The following PCDH15 variants were observed in gnomAD, a reference collection of about 807,000 sequenced individuals.
PCDH15 encodes protocadherin-15.
PCDH15 carries 129 observed loss-of-function variants against 178.5 expected under a neutral mutation model. That is an observed-to-expected ratio of 0.72 (90% CI 0.63 to 0.84). PCDH15 has a LOEUF of 0.84. Ranked by LOEUF, PCDH15 falls within the 40% of genes least tolerant of loss-of-function variation. PCDH15 has a pLI of 0.00. For missense variants in PCDH15, 2,230 were observed against 2,099.9 expected, an observed-to-expected ratio of 1.06 and a Z score of -1.21; for synonymous variants, 800 against 732.0, an observed-to-expected ratio of 1.09 and a Z score of -1.50.
intron 3 of PCDH15, among the ~76,000 whole-genome samples, chr10:54,876,008 A>G (rs1473698759): frequency 6.6e-6 from 1 of 152,134 alleles, no homozygotes. Flanking sequence ...TCAATGCTTG[A>G]CTTCAAACCT....
chr10:54,560,836 G>A (rs907253175), intron 2 of PCDH15, among the ~76,000 whole-genome samples: 2 of 151,980 alleles, frequency 1.3e-5, no homozygotes, highest in Non-Finnish European at 2.9e-5. Flanking sequence ...ACAAGAAAGG[G>A]ATGTTAAGTT....
At chr10:53,958,978 CAAAAAAAA>C (rs71004497) in intron 23 of PCDH15, among the ~76,000 whole-genome samples, 1 of 45,828 alleles carries the variant, frequency 2.2e-5, no homozygotes, top group African/African-American at 9.5e-5. Context: ...GACTCCATCT[CAAAAAAAA>C]AAAAAAAAAA....
intron 25 of PCDH15, among the ~76,000 whole-genome samples, chr10:53,909,081 C>T (rs35391202): frequency 0.32 from 47,992 of 152,020 alleles, 9,621 homozygotes; most frequent in Middle Eastern, 0.56. Context: ...CCTCACGTAT[C>T]GACGGAAGAA....
Position 55,199,782 on chromosome 10 carries a change from G to A in PCDH15, c.-155-33131C>T, listed in dbSNP as rs376511531. Among the ~76,000 whole-genome samples the A allele has an allele frequency of 5.2e-4, 79 of 152,196 alleles. 1 individual carries two copies. The highest frequency in any genetic ancestry group is 1.7e-3 in the African/African-American group (70 of 41,492). On this transcript the variant is annotated intron_variant, in intron 1 of 5. Transcript: ENST00000458638. Reference sequence around the variant, plus strand: ...CATCCCAGCTGCTCTAGCTCCAGCCGTGGCTGAAAGGTCCCAAGGTACAGC... The same window carrying A: ...CATCCCAGCTGCTCTAGCTCCAGCCATGGCTGAAAGGTCCCAAGGTACAGC...
chr10:53,906,513 A>T (rs1250155569), intron 25 of PCDH15, among the ~76,000 whole-genome samples: 1 of 152,186 alleles, frequency 6.6e-6, no homozygotes, highest in Non-Finnish European at 1.5e-5. Flanking sequence ...TTATTGTAAC[A>T]AAATTTCTTA....
At chr10:54,187,692 A>G (rs917137640) in intron 11 of PCDH15, among the ~76,000 whole-genome samples, 7 of 151,894 alleles carry the variant, frequency 4.6e-5, no homozygotes, top group Non-Finnish European at 8.9e-5. Context: ...CTATCACAGA[A>G]AGCTAGCACT....
At chr10:53,904,054 G>A (rs1271605300) in intron 25 of PCDH15, among the ~76,000 whole-genome samples, 2 of 152,088 alleles carry the variant, frequency 1.3e-5, no homozygotes, top group African/African-American at 4.8e-5. Flanking sequence ...ATCATCAAAT[G>A]TTAGAACCTC....
chr10:55,271,617 A>C (rs1161950334), intron 1 of PCDH15, among the ~76,000 whole-genome samples: 1 of 152,054 alleles, frequency 6.6e-6, no homozygotes, highest in Non-Finnish European at 1.5e-5. Flanking sequence ...CTGGGAAGGA[A>C]ATAGATTATT....
chr10:55,404,526 C>A (rs374108214), intron 2 of PCDH15, among the ~76,000 whole-genome samples: 18 of 151,800 alleles, frequency 1.2e-4, no homozygotes, highest in East Asian at 9.7e-4. Flanking sequence ...AGTGATCAGA[C>A]TATAAGTGGG....
intron 3 of PCDH15, among the ~76,000 whole-genome samples, chr10:54,889,958 C>A (rs1954430482): frequency 6.6e-6 from 1 of 151,852 alleles, no homozygotes; most frequent in African/African-American, 2.4e-5. Flanking sequence ...GAAAAAGTCA[C>A]ATAATTGTAC....
intron 2 of PCDH15, among the ~76,000 whole-genome samples, chr10:55,453,339 C>A (rs544556472): frequency 1.1e-4 from 16 of 152,286 alleles, no homozygotes; most frequent in African/African-American, 3.8e-4. Context: ...TTTCTTACTG[C>A]AGCGGATCTG....
intron 8 of PCDH15, among the ~76,000 whole-genome samples, chr10:54,287,016 A>T (rs2059071274): frequency 6.6e-6 from 1 of 152,238 alleles, no homozygotes; most frequent in Non-Finnish European, 1.5e-5. Context: ...AGGTAAGAAG[A>T]TGAAAAACAA....
intron 2 of PCDH15, among the ~76,000 whole-genome samples, chr10:54,908,760 T>A (rs1480847825): frequency 1.3e-5 from 2 of 152,076 alleles, no homozygotes; most frequent in Admixed American, 1.3e-4. Flanking sequence ...AGAGGGTAGC[T>A]CTTCTCCATT....
At chr10:55,331,885 A>C (rs1844209121) in intron 2 of PCDH15, among the ~76,000 whole-genome samples, 1 of 152,168 alleles carries the variant, frequency 6.6e-6, no homozygotes, top group African/African-American at 2.4e-5. Context: ...TATTAACTGA[A>C]TATGACAGCG....
chr10:54,098,776 C>T lies in PCDH15; in HGVS notation c.1918-8713G>A, dbSNP rs562374376. Among the ~76,000 whole-genome samples, 6 of 152,214 alleles carry T rather than the reference C, an allele frequency of 3.9e-5. 1 individual carries two copies. Among genetic ancestry groups the T allele is most frequent in the South Asian group, 4.1e-4 (2 of 4,828 alleles). On this transcript the variant is annotated intron_variant, in intron 15 of 37. Coordinates refer to ENST00000644397, the MANE Select transcript of PCDH15 (RefSeq NM_001384140.1). The stretch of plus-strand genomic sequence containing the variant: ...TACTACTTATTCGTGGCTATTGATA[C>T]TTAGAATCTAATTATTGTGGAAAGA...
At position 54,817,337 on chromosome 10, in the gene PCDH15, TGAG is replaced by T. The variant is rs1952963130; in HGVS notation, c.-29+80110_-29+80112del. On this transcript the variant is annotated intron_variant, in intron 3 of 5. Transcript: ENST00000458638. ...AAATAAATATATGTTATTTTAGAAA[TGAG>T]GAAATTAAGGTTGAATTATTCTAAG... 7.9e-5 allele frequency among the ~76,000 whole-genome samples: 12 copies of T among 152,052 alleles called. No homozygotes were observed. The South Asian group carries it at 2.5e-3, about 31-fold the overall frequency.
At chr10:54,756,720 A>AAGAG (rs61202887) in intron 1 of PCDH15, among the ~76,000 whole-genome samples, 22,394 of 150,736 alleles carry the variant, frequency 0.15, 1,900 homozygotes, top group East Asian at 0.22. Flanking sequence ...ATGTATGTGA[A>AAGAG]AGAGAGAGAG....
intron 21 of PCDH15, among the ~76,000 whole-genome samples, chr10:53,970,367 T>C (rs2089544855): frequency 6.6e-6 from 1 of 152,106 alleles, no homozygotes; most frequent in African/African-American, 2.4e-5. Context: ...AAGCAAGTCC[T>C]TGGAGACCTA....
chr10:54,334,151 G>A (rs1940507931), intron 6 of PCDH15, among the ~76,000 whole-genome samples: 1 of 152,066 alleles, frequency 6.6e-6, no homozygotes. Context: ...CAAACACCTG[G>A]CCTCCATTAA....
Sources: gnomAD v4.1 joint callset for allele counts (sites outside exome capture counted in the v4.1 genomes callset) on GRCh38, gnomAD v4.1.1 for gene constraint, MANE v1.5 for transcripts, NCBI Gene and HGNC (gene_info 2026-07-23, HGNC 2026-07-21) for gene names.